The following APPBP2 variants were observed in gnomAD, a reference collection of about 807,000 sequenced individuals.
The protein encoded by APPBP2 is amyloid beta precursor protein binding protein 2.
Under a neutral mutation model 76.0 loss-of-function variants are expected in APPBP2, and 15 were observed. The observed-to-expected ratio is 0.20, with a 90% CI of 0.13 to 0.30. The LOEUF is 0.30. Ranked by LOEUF, APPBP2 falls within the 10% of genes least tolerant of loss-of-function variation. APPBP2 has a pLI of 1.00. For missense variants in APPBP2, 401 were observed against 687.2 expected, an observed-to-expected ratio of 0.58 and a Z score of 4.66; for synonymous variants, 222 against 242.2, an observed-to-expected ratio of 0.92 and a Z score of 0.77.
chr17:60,517,006 C>G (rs759006330), intron 1 of APPBP2, among the ~76,000 whole-genome samples: 1 of 152,126 alleles, frequency 6.6e-6, no homozygotes, highest in Non-Finnish European at 1.5e-5. Context: ...GTATTTTTCT[C>G]GCTGTGTCGC....
intron 3 of APPBP2, among the ~76,000 whole-genome samples, chr17:60,488,166 C>T (rs995771187): frequency 7.2e-5 from 11 of 152,160 alleles, no homozygotes; most frequent in African/African-American, 1.2e-4. Flanking sequence ...TTAGGCTACA[C>T]GGGGGTCAGG....
intron 4 of APPBP2, among the ~76,000 whole-genome samples, chr17:60,474,690 C>T (rs1203084730): frequency 1.3e-5 from 2 of 152,084 alleles, no homozygotes; most frequent in Non-Finnish European, 2.9e-5. Flanking sequence ...ATAGGTTTGA[C>T]GTGGTAAATT....
In APPBP2 at chr17:60,452,063, C is replaced by T; in HGVS notation, c.1339-18G>A. Reference sequence around the variant, plus strand: ...TCAGCTTCCTGAAAAACAATTATGCCATATCAATCATTATACTTTTTCTCA... The same window carrying T: ...TCAGCTTCCTGAAAAACAATTATGCTATATCAATCATTATACTTTTTCTCA... On this transcript the variant is annotated intron_variant, in intron 11 of 12. Coordinates refer to ENST00000083182, the MANE Select transcript of APPBP2 (RefSeq NM_006380.5). 6.2e-7 allele frequency: 1 copy of T among 1,608,342 alleles called. No homozygotes were observed. The highest frequency in any genetic ancestry group is 8.5e-7 in the Non-Finnish European group (1 of 1,178,316).
At chr17:60,461,501 C>T (rs2090475767) in intron 8 of APPBP2, 1 of 242,510 alleles carries the variant, frequency 4.1e-6, no homozygotes, top group Non-Finnish European at 7.8e-6. Context: ...ACTACAAAGG[C>T]AGTTTTAGTG....
chr17:60,500,422 T>C lies in APPBP2; in HGVS notation c.204A>G (p.Lys68=), dbSNP rs1246238478. 1.1e-5 allele frequency: 18 copies of C among 1,610,348 alleles called. No homozygotes were observed. The highest frequency in any genetic ancestry group is 1.4e-5 in the Non-Finnish European group (17 of 1,177,906). The change falls in exon 2 of 13, where the codon AAA becomes AAG. Residue 68 remains lysine (K), a synonymous_variant. Coordinates refer to ENST00000083182, the MANE Select transcript of APPBP2 (RefSeq NM_006380.5). ...SEFCELEVFA[K]VLRALDKRHL... ...ACCTTTTATCCAAAGCTCTCAGTAC[T>C]TTAGCAAAAACTTCCAATTCACAAA...
chr17:60,466,209 A>T, intron 5 of APPBP2, 82 bp downstream of exon 5: 1 of 1,326,136 alleles, frequency 7.5e-7, no homozygotes, highest in Non-Finnish European at 1.0e-6. Flanking sequence ...TCTGTAAGAA[A>T]AATAAGAGAA....
At chr17:60,458,006 CG>C (rs2090444059) in intron 9 of APPBP2, among the ~76,000 whole-genome samples, 2 of 150,556 alleles carry the variant, frequency 1.3e-5, no homozygotes, top group Admixed American at 6.6e-5. Flanking sequence ...GTTCTCTCTA[CG>C]GATTTGCCTA....
At chr17:60,451,764 C>T (rs1256839918) in intron 12 of APPBP2, 116 bp downstream of exon 12, 5 of 907,496 alleles carry the variant, frequency 5.5e-6, no homozygotes, top group Non-Finnish European at 8.2e-6. Flanking sequence ...CAGGTATGAG[C>T]CACCGCACCC....
chr17:60,456,984 G>A (rs1357540512), intron 9 of APPBP2, among the ~76,000 whole-genome samples: 3 of 151,764 alleles, frequency 2.0e-5, no homozygotes, highest in Admixed American at 1.3e-4. Context: ...AAAAAAATAC[G>A]AAAATTAGCC....
intron 3 of APPBP2, among the ~76,000 whole-genome samples, chr17:60,482,796 T>C (rs562405665): frequency 5.9e-5 from 9 of 152,322 alleles, no homozygotes; most frequent in African/African-American, 1.9e-4. Context: ...TATTCCATGG[T>C]GTATATGCAC....
chr17:60,512,102 A>AT (rs1242078234), intron 1 of APPBP2, among the ~76,000 whole-genome samples: 6 of 144,316 alleles, frequency 4.2e-5, no homozygotes, highest in African/African-American at 1.7e-4. Flanking sequence ...TTTTATTATT[A>AT]TTATTATTTT....
At position 60,494,444 on chromosome 17, in the gene APPBP2, C is replaced by T. The variant is rs200279332; in HGVS notation, c.379+22G>A. 29 of 1,598,194 alleles carry T rather than the reference C, an allele frequency of 1.8e-5. No homozygotes were observed. In the East Asian group the frequency reaches 6.0e-4, roughly 33 times the overall value. ...TCTGAGTCCATCACAGGACAAAATA[C>T]TTCTGTTCCACCATTACTTACCTAA... is the stretch of plus-strand genomic sequence containing the variant. On this transcript the variant is annotated intron_variant, in intron 3 of 12. Transcript: ENST00000083182.
At chr17:60,492,424 G>C (rs56019977) in intron 3 of APPBP2, among the ~76,000 whole-genome samples, 2,256 of 152,284 alleles carry the variant, frequency 0.015, 48 homozygotes, top group African/African-American at 0.05. Flanking sequence ...TGCACCGTGT[G>C]CCTGAAAAAA....
chr17:60,516,312 G>A (rs2090963385), intron 1 of APPBP2, among the ~76,000 whole-genome samples: 1 of 152,086 alleles, frequency 6.6e-6, no homozygotes, highest in Admixed American at 6.5e-5. Flanking sequence ...AAGTTTTTTC[G>A]TTCAATTTTT....
chr17:60,514,633 A>C (rs1023782832), intron 1 of APPBP2, among the ~76,000 whole-genome samples: 4 of 152,140 alleles, frequency 2.6e-5, no homozygotes, highest in African/African-American at 9.7e-5. Flanking sequence ...TGCCATCATA[A>C]ACAATGCTGC....
intron 3 of APPBP2, among the ~76,000 whole-genome samples, chr17:60,492,339 G>C (rs1254844943): frequency 6.6e-6 from 1 of 152,192 alleles, no homozygotes; most frequent in Non-Finnish European, 1.5e-5. Flanking sequence ...GTCCCCACTG[G>C]GGCACTGCCT....
At chr17:60,520,188 C>T (rs1190263889) in intron 1 of APPBP2, among the ~76,000 whole-genome samples, 2 of 152,076 alleles carry the variant, frequency 1.3e-5, no homozygotes, top group African/African-American at 2.4e-5. Context: ...AACTCCGATC[C>T]TAAATCAGAA....
At chr17:60,525,272 A>G (rs1693701211) in intron 1 of APPBP2, among the ~76,000 whole-genome samples, 1 of 152,244 alleles carries the variant, frequency 6.6e-6, no homozygotes. Flanking sequence ...GATTATTTCC[A>G]ATAATCCCTA....
At chr17:60,463,917 C>A in intron 6 of APPBP2, 104 bp downstream of exon 6, 1 of 730,878 alleles carries the variant, frequency 1.4e-6, no homozygotes, top group Admixed American at 3.2e-5. Context: ...CCTATGCCTA[C>A]GGAGTGTACA....
Sources: gnomAD v4.1 joint callset for allele counts (sites outside exome capture counted in the v4.1 genomes callset) on GRCh38, gnomAD v4.1.1 for gene constraint, MANE v1.5 for transcripts, NCBI Gene and HGNC (gene_info 2026-07-23, HGNC 2026-07-21) for gene names.